The following COL23A1 variants were observed in gnomAD, a reference collection of about 807,000 sequenced individuals.
COL23A1 encodes collagen type XXIII alpha 1 chain, also known as collagen alpha-1(XXIII) chain.
Under a neutral mutation model 99.3 loss-of-function variants are expected in COL23A1, and 97 were observed. The observed-to-expected ratio is 0.98, with a 90% CI of 0.83 to 1.16. COL23A1 has a LOEUF of 1.16. Among genes scored for constraint, COL23A1 ranks in the 50% most tolerant of loss-of-function variants. COL23A1 has a pLI of 0.00. For synonymous variants in COL23A1, 320 were observed against 308.2 expected (o/e 1.04, Z -0.40); for missense variants, 762 against 757.4 (o/e 1.01, Z -0.07).
chr5:178,390,464 G>A (rs776638608), intron 2 of COL23A1, among the ~76,000 whole-genome samples: 6 of 152,266 alleles, frequency 3.9e-5, no homozygotes, highest in South Asian at 2.1e-4. Flanking sequence ...CTGCTCTCCC[G>A]AGGGTCCCCT....
intron 3 of COL23A1, among the ~76,000 whole-genome samples, chr5:178,294,844 G>C (rs1014633886): frequency 3.9e-5 from 6 of 152,164 alleles, no homozygotes; most frequent in Non-Finnish European, 7.4e-5. Context: ...CGGAAGCAAA[G>C]TCAAAGGCCA....
chr5:178,265,816 T>A, intron 8 of COL23A1: 1 of 513,830 alleles, frequency 1.9e-6, no homozygotes, highest in Non-Finnish European at 2.5e-6. Context: ...CAAAGCCACT[T>A]AACCAAGCCC....
Position 178,519,499 on chromosome 5 carries a change from G to GC in COL23A1, c.361+41182dup, listed in dbSNP as rs1759823951. ...ATGCCACACAATTCTGACAGGGACT[G>GC]CCAGGTGGAAAACTGGGCCCTGTGT... is the stretch of plus-strand genomic sequence containing the variant. On this transcript the variant is annotated intron_variant, in intron 2 of 28. Coordinates refer to ENST00000390654, the MANE Select transcript of COL23A1 (RefSeq NM_173465.4). Among the ~76,000 whole-genome samples the GC allele has an allele frequency of 2.0e-5, 3 of 152,216 alleles. No individual in the cohort carries two copies. In the South Asian group the frequency reaches 6.2e-4, roughly 32 times the overall value.
intron 2 of COL23A1, among the ~76,000 whole-genome samples, chr5:178,485,626 T>G (rs1757583002): frequency 1.3e-5 from 2 of 150,632 alleles, no homozygotes; most frequent in Non-Finnish European, 3.0e-5. Flanking sequence ...TACAAAAAAA[T>G]AAAGTTAGCC....
At chr5:178,446,047 G>A (rs778264532) in intron 2 of COL23A1, among the ~76,000 whole-genome samples, 24 of 151,906 alleles carry the variant, frequency 1.6e-4, no homozygotes, top group Non-Finnish European at 3.2e-4. Context: ...CTTTAATTAC[G>A]TTAATTCAAA....
At chr5:178,495,137 A>G (rs1758131828) in intron 2 of COL23A1, among the ~76,000 whole-genome samples, 1 of 152,164 alleles carries the variant, frequency 6.6e-6, no homozygotes, top group African/African-American at 2.4e-5. Flanking sequence ...TAGTTGTTAG[A>G]CATCAGCCTG....
At chr5:178,467,471 G>A (rs1198134962) in intron 2 of COL23A1, among the ~76,000 whole-genome samples, 2 of 152,206 alleles carry the variant, frequency 1.3e-5, no homozygotes, top group Admixed American at 6.5e-5. Context: ...CGGACTACAC[G>A]GAGGCAGTTT....
intron 2 of COL23A1, among the ~76,000 whole-genome samples, chr5:178,471,329 C>CAA (rs1756738012): frequency 6.6e-6 from 1 of 152,180 alleles, no homozygotes; most frequent in South Asian, 2.1e-4. Context: ...GAAAGCTCAG[C>CAA]CTCCTGGGTT....
rs567622481 is a variant in COL23A1 at position 178,461,249 on chromosome 5, C to A, written c.361+99433G>T. Among the ~76,000 whole-genome samples the A allele has an allele frequency of 2.2e-4, 33 of 152,338 alleles. 1 individual carries two copies. The East Asian group carries it at 4.8e-3, about 22-fold the overall frequency. ...TGTGTGCCCAGGCTGGCCACCGCCA[C>A]GAGTCCAGCCTGGCCATGTCCTGGT... On this transcript the variant is annotated intron_variant, in intron 2 of 28. Transcript: ENST00000390654.
intron 2 of COL23A1, among the ~76,000 whole-genome samples, chr5:178,399,376 T>C (rs558044886): frequency 6.6e-6 from 1 of 152,350 alleles, no homozygotes; most frequent in South Asian, 2.1e-4. Flanking sequence ...CAGCACTCAC[T>C]AGCTGCTGGA....
intron 2 of COL23A1, among the ~76,000 whole-genome samples, chr5:178,390,998 T>C (rs80019554): frequency 0.11 from 17,439 of 152,258 alleles, 1,865 homozygotes; most frequent in East Asian, 0.41. Context: ...TGTGGACCAG[T>C]TTGTGGCCTG....
At chr5:178,267,685 G>A (rs1000353561) in intron 7 of COL23A1, among the ~76,000 whole-genome samples, 1 of 152,132 alleles carries the variant, frequency 6.6e-6, no homozygotes, top group Non-Finnish European at 1.5e-5. Context: ...TGCTTTACAC[G>A]GCCAAGTTTT....
At chr5:178,581,942 T>C (rs1763680759) in intron 1 of COL23A1, among the ~76,000 whole-genome samples, 1 of 151,982 alleles carries the variant, frequency 6.6e-6, no homozygotes, top group African/African-American at 2.4e-5. Context: ...TGAGAAAGGA[T>C]TGCGCAGAAA....
intron 2 of COL23A1, among the ~76,000 whole-genome samples, chr5:178,516,684 T>C (rs1042255957): frequency 6.6e-6 from 1 of 152,226 alleles, no homozygotes; most frequent in African/African-American, 2.4e-5. Flanking sequence ...TTCCTGCCTT[T>C]TCCTTTCTTA....
chr5:178,255,038 A>G lies in COL23A1; in HGVS notation c.883-12T>C, dbSNP rs773272295. The G allele has an allele frequency of 1.1e-5, 18 of 1,609,712 alleles. No homozygotes were observed. Among genetic ancestry groups the G allele is most frequent in the Non-Finnish European group, 5.9e-6 (7 of 1,176,570 alleles). ...AGGCCTGGGGCACCCTGAGGCAGGA[A>G]GAAGAGTAAGAATTTCAGGGAAGAG... On this transcript the variant is annotated splice_polypyrimidine_tract_variant and intron_variant, in intron 15 of 28. Coordinates refer to ENST00000390654, the MANE Select transcript of COL23A1 (RefSeq NM_173465.4). The surrounding 1 kb of genome is among the most constrained non-coding windows in gnomAD (Gnocchi z 4.2).
At chr5:178,483,297 T>C (rs547817206) in intron 2 of COL23A1, among the ~76,000 whole-genome samples, 1 of 152,148 alleles carries the variant, frequency 6.6e-6, no homozygotes, top group East Asian at 1.9e-4. Context: ...AGGCATTAGA[T>C]GCCACATAAA....
At chr5:178,449,638 T>C (rs1767371552) in intron 2 of COL23A1, among the ~76,000 whole-genome samples, 1 of 150,946 alleles carries the variant, frequency 6.6e-6, no homozygotes, top group Admixed American at 6.6e-5. Context: ...TAAACACAGC[T>C]TTCAACCTCC....
rs777160563 is a variant in COL23A1 at position 178,310,683 on chromosome 5, C to T, written c.362-3764G>A. Among the ~76,000 whole-genome samples, 20 of 152,094 alleles carry T rather than the reference C, an allele frequency of 1.3e-4. No individual in the cohort carries two copies. Among genetic ancestry groups the T allele is most frequent in the Non-Finnish European group, 2.5e-4 (17 of 68,024 alleles). ...TTCCTCTGGGGATGTGGTCCCTTTG[C>T]TGGGGCTGGCTGTGCCCCAGGGCAT... On this transcript the variant is annotated intron_variant, in intron 2 of 28. Transcript: ENST00000390654. The surrounding 1 kb of genome is among the most constrained non-coding windows in gnomAD (Gnocchi z 4.3).
intron 22 of COL23A1, 94 bp downstream of exon 22, chr5:178,247,432 A>T: frequency 7.1e-7 from 1 of 1,402,718 alleles, no homozygotes. Flanking sequence ...GCCAGGGCGG[A>T]GCGTCAGGCC....
Sources: gnomAD v4.1 joint callset for allele counts (sites outside exome capture counted in the v4.1 genomes callset) on GRCh38, gnomAD v4.1.1 for gene constraint, Gnocchi (gnomAD v3.1) non-coding constraint, MANE v1.5 for transcripts, NCBI Gene and HGNC (gene_info 2026-07-23, HGNC 2026-07-21) for gene names.